The following SV2C variants were observed in gnomAD, a reference collection of about 807,000 sequenced individuals.
SV2C encodes solute carrier family 22 member B3.
In SV2C, 49 loss-of-function variants were observed where a neutral mutation model predicts 79.7. That is an observed-to-expected ratio of 0.61 (90% CI 0.49 to 0.78). The LOEUF (loss-of-function observed/expected upper bound fraction) is 0.78, where lower values mean the gene tolerates loss of function less well. Among genes scored for constraint, SV2C ranks in the 30% least tolerant of loss-of-function variants. The pLI, the probability that SV2C is intolerant of heterozygous loss-of-function variation, is 0.00. For synonymous variants in SV2C, 334 were observed against 333.2 expected, an observed-to-expected ratio of 1.00 and a Z score of -0.03; for missense variants, 833 against 912.9, an observed-to-expected ratio of 0.91 and a Z score of 1.13.
chr5:76,175,594 G>A (rs539199018), intron 2 of SV2C, among the ~76,000 whole-genome samples: 2 of 152,280 alleles, frequency 1.3e-5, no homozygotes, highest in Non-Finnish European at 2.9e-5. Context: ...TTTGCAGCTC[G>A]ATGTGCTGAT....
intron 12 of SV2C, among the ~76,000 whole-genome samples, chr5:76,324,448 C>T (rs1028993928): frequency 1.3e-5 from 2 of 152,226 alleles, no homozygotes; most frequent in Admixed American, 6.5e-5. Context: ...GCTTTTCCCA[C>T]ACTGAGCAGA....
downstream of SV2C, among the ~76,000 whole-genome samples, chr5:76,334,212 C>T (rs1462261071): frequency 6.6e-6 from 1 of 152,064 alleles, no homozygotes; most frequent in Non-Finnish European, 1.5e-5. Context: ...TGTTCTTTTG[C>T]CCTAGAGTAG....
At chr5:76,209,669 C>T (rs1744707976) in intron 3 of SV2C, 67 bp from the exon 4 acceptor site, 10 of 1,515,958 alleles carry the variant, frequency 6.6e-6, no homozygotes, top group Non-Finnish European at 8.9e-6. Context: ...TGCTTTGGCT[C>T]TGCCCTTTGC....
At chr5:75,991,949 T>C in the SV2C span, among the ~76,000 whole-genome samples, 2 of 151,898 alleles carry the variant, frequency 1.3e-5, no homozygotes, top group Non-Finnish European at 2.9e-5. Flanking sequence ...CCTGCTCCAT[T>C]ATTTTTGTTT....
chr5:75,888,316 A>G, the SV2C span, among the ~76,000 whole-genome samples: 1 of 150,826 alleles, frequency 6.6e-6, no homozygotes, highest in African/African-American at 2.5e-5. Context: ...CCGAGCTTAA[A>G]GTCTCCTTGC....
At chr5:76,039,627 G>A in the SV2C span, among the ~76,000 whole-genome samples, 11 of 151,914 alleles carry the variant, frequency 7.2e-5, no homozygotes, top group Admixed American at 6.6e-4. Flanking sequence ...ATGGTGGTAG[G>A]CACCTATAAT....
At chr5:76,257,196 T>C (rs1746296858) in intron 4 of SV2C, among the ~76,000 whole-genome samples, 1 of 152,186 alleles carries the variant, frequency 6.6e-6, no homozygotes, top group Admixed American at 6.5e-5. Flanking sequence ...TATATATTAA[T>C]CTTTATACTT....
chr5:76,115,058 C>T (rs1425763681), intron 1 of SV2C, among the ~76,000 whole-genome samples: 2 of 152,168 alleles, frequency 1.3e-5, no homozygotes, highest in Non-Finnish European at 2.9e-5. Flanking sequence ...ATGTGTCTGA[C>T]TCATAAACAA....
chr5:76,347,662 G>A (rs563256385), intron 12 of SV2C, among the ~76,000 whole-genome samples: 1 of 152,208 alleles, frequency 6.6e-6, no homozygotes, highest in South Asian at 2.1e-4. Context: ...GTCTGGTCTC[G>A]AACTCCTGAC....
chr5:75,889,419 A>G, the SV2C span, among the ~76,000 whole-genome samples: 2 of 152,116 alleles, frequency 1.3e-5, no homozygotes, highest in African/African-American at 4.8e-5. Context: ...GTCTCTGCAA[A>G]GGACATGAAC....
chr5:76,278,447 A>G (rs1427820843), intron 4 of SV2C, among the ~76,000 whole-genome samples: 1 of 152,214 alleles, frequency 6.6e-6, no homozygotes, highest in East Asian at 1.9e-4. Flanking sequence ...GCCTGCAGCC[A>G]TGCATGCAAA....
At chr5:76,338,969 A>G (rs1356887223) in intron 12 of SV2C, among the ~76,000 whole-genome samples, 1 of 148,140 alleles carries the variant, frequency 6.8e-6, no homozygotes, top group Admixed American at 6.6e-5. Context: ...AGTACTTTCT[A>G]AAGTACCCTC....
chr5:76,253,630 C>T (rs1249257156), intron 4 of SV2C, among the ~76,000 whole-genome samples: 1 of 150,662 alleles, frequency 6.6e-6, no homozygotes, highest in African/African-American at 2.4e-5. Flanking sequence ...TTCCATATTA[C>T]TCACCTCTAA....
rs758429015 is a variant in SV2C at position 76,285,873 on chromosome 5, G to T, written c.1137+3G>T. ...GTCAGCCTGAGAAGGTCTTCACGGT[G>T]AGTCTTCTCCCCAGAGAATCCTCAA... On this transcript the variant is annotated splice_donor_region_variant and intron_variant, in intron 6 of 12. Transcript: ENST00000502798. 113 of 1,612,982 alleles carry T rather than the reference G, an allele frequency of 7.0e-5. No homozygotes were observed. Among genetic ancestry groups the T allele is most frequent in the Non-Finnish European group, 9.2e-5 (108 of 1,179,394 alleles).
intron 1 of SV2C, among the ~76,000 whole-genome samples, chr5:76,128,485 G>A (rs74321449): frequency 0.018 from 2,748 of 152,280 alleles, 32 homozygotes; most frequent in South Asian, 0.025. Flanking sequence ...TGAGACCACT[G>A]GGTGAGGCAG....
At chr5:76,174,045 CT>C (rs752162830) in intron 2 of SV2C, 2 of 1,572,492 alleles carry the variant, frequency 1.3e-6, no homozygotes, top group Non-Finnish European at 8.8e-7. Flanking sequence ...TGTTGTGCAT[CT>C]ACTTCAACTT....
the SV2C span, among the ~76,000 whole-genome samples, chr5:75,991,699 GATAGAT>G: frequency 2.7e-5 from 4 of 148,670 alleles, no homozygotes; most frequent in South Asian, 8.5e-4. Flanking sequence ...AAAACCATCA[GATAGAT>G]ATATATATGC....
the SV2C span, among the ~76,000 whole-genome samples, chr5:75,956,311 C>G: frequency 3.4e-5 from 5 of 145,492 alleles, no homozygotes; most frequent in African/African-American, 1.0e-4. Flanking sequence ...AAACCAAACA[C>G]TGCATATTCT....
intron 8 of SV2C, among the ~76,000 whole-genome samples, chr5:76,294,772 G>A (rs1259111098): frequency 6.6e-6 from 1 of 152,198 alleles, no homozygotes; most frequent in African/African-American, 2.4e-5. Flanking sequence ...CAGTACAGCA[G>A]CATGACACAG....
Sources: allele counts gnomAD v4.1 joint callset (sites outside exome capture counted in the v4.1 genomes callset), GRCh38; gene constraint gnomAD v4.1.1; transcripts MANE v1.5; gene names NCBI Gene and HGNC (gene_info 2026-07-23, HGNC 2026-07-21).